The following INVS variants were observed in gnomAD, a reference collection of about 807,000 sequenced individuals.
The protein encoded by INVS is inversion of embryo turning homolog.
In INVS, 86 loss-of-function variants were observed where a neutral mutation model predicts 108.8. That is an observed-to-expected ratio of 0.79 (90% CI 0.66 to 0.95). The LOEUF (loss-of-function observed/expected upper bound fraction) is 0.95, where lower values mean the gene tolerates loss of function less well. Ranked by LOEUF, INVS falls within the 40% of genes least tolerant of loss-of-function variation. The probability of loss-of-function intolerance (pLI) is 0.00; values close to 1 mark genes in which losing one functional copy is unlikely to be tolerated. For missense variants in INVS, 1,169 were observed against 1,297.4 expected, an observed-to-expected ratio of 0.90 and a Z score of 1.52; for synonymous variants, 455 against 473.5, an observed-to-expected ratio of 0.96 and a Z score of 0.51.
At chr9:100,151,375 A>T (rs1358609378) in intron 3 of INVS, among the ~76,000 whole-genome samples, 1 of 152,112 alleles carries the variant, frequency 6.6e-6, no homozygotes, top group East Asian at 1.9e-4. Context: ...GCCACTCAGG[A>T]GGCTGAGATG....
chr9:100,302,054 T>TTATCA lies in INVS; in HGVS notation c.*1380_*1381insTATCA. The TTATCA allele has an allele frequency of 1.9e-6, 1 of 529,960 alleles. No homozygotes were observed. Among genetic ancestry groups the TTATCA allele is most frequent in the Non-Finnish European group, 3.3e-6 (1 of 305,290 alleles). The allele number at this position is 529,960 out of a possible 1,614,324, so 32.8% of individuals were successfully genotyped here. A position where few individuals can be genotyped will look rare whatever the true frequency, so the allele number is the denominator to read the frequency against. On this transcript the variant is annotated 3_prime_UTR_variant, in exon 17 of 17. Transcript: ENST00000262457. The stretch of plus-strand genomic sequence containing the variant: ...GGAACGCCCAAACATTATTTTCATA[T>TTATCA]ATCAGTGCAAAGAAAGAAGGTTCGT...
intron 12 of INVS, among the ~76,000 whole-genome samples, chr9:100,273,613 C>T (rs1269148173): frequency 6.9e-6 from 1 of 145,766 alleles, no homozygotes; most frequent in Non-Finnish European, 1.5e-5. Flanking sequence ...CCTCGGCTCA[C>T]TGCAACCTCC....
intron 1 of INVS, among the ~76,000 whole-genome samples, chr9:100,100,945 TACA>T (rs1209747896): frequency 1.3e-4 from 5 of 38,404 alleles, no homozygotes; most frequent in Admixed American, 1.1e-3. Flanking sequence ...ATAATATATA[TACA>T]TATATATTAT....
chr9:100,207,177 A>AC (rs34422769), intron 3 of INVS, among the ~76,000 whole-genome samples: 29,363 of 151,940 alleles, frequency 0.19, 4,481 homozygotes, highest in African/African-American at 0.43. Context: ...ATATCCTGGA[A>AC]CCGTCCAACC....
At chr9:100,215,559 C>T (rs1176617855) in intron 3 of INVS, 1 of 152,338 alleles carries the variant, frequency 6.6e-6, no homozygotes, top group East Asian at 1.9e-4. Context: ...CTCAACAATT[C>T]CAGATACCTG....
intron 3 of INVS, among the ~76,000 whole-genome samples, chr9:100,142,578 A>C (rs576012723): frequency 1.3e-5 from 2 of 152,300 alleles, no homozygotes; most frequent in African/African-American, 4.8e-5. Context: ...GCCGGGTTGA[A>C]GTCCGTGCCA....
intron 2 of INVS, among the ~76,000 whole-genome samples, chr9:100,112,332 T>C (rs569312917): frequency 6.6e-6 from 1 of 152,304 alleles, no homozygotes; most frequent in East Asian, 1.9e-4. Context: ...GCACAAAATA[T>C]TGGATTGTGG....
intron 3 of INVS, among the ~76,000 whole-genome samples, chr9:100,173,175 C>A (rs1354253616): frequency 3.3e-5 from 5 of 152,064 alleles, no homozygotes; most frequent in African/African-American, 1.2e-4. Flanking sequence ...GATCAGCCCT[C>A]CAGTAGATAA....
At chr9:100,143,300 A>C (rs1186654550) in intron 3 of INVS, among the ~76,000 whole-genome samples, 1 of 152,150 alleles carries the variant, frequency 6.6e-6, no homozygotes. Flanking sequence ...TCCTGAACTA[A>C]CCTGTAAGCC....
At chr9:100,252,546 G>T in intron 9 of INVS, 108 bp downstream of exon 9, 1 of 1,014,874 alleles carries the variant, frequency 9.9e-7, no homozygotes, top group Non-Finnish European at 1.5e-6. Context: ...CAAGTACAAG[G>T]ATGAAGGGAT....
intron 13 of INVS, among the ~76,000 whole-genome samples, chr9:100,290,714 A>G (rs1833585821): frequency 6.6e-6 from 1 of 151,070 alleles, no homozygotes; most frequent in African/African-American, 2.4e-5. Context: ...ACTTAAGAGT[A>G]TTTTATTTTA....
chr9:100,180,068 A>G (rs964983758), intron 3 of INVS, among the ~76,000 whole-genome samples: 1 of 152,218 alleles, frequency 6.6e-6, no homozygotes, highest in Admixed American at 6.5e-5. Context: ...TAAGGTAGAA[A>G]TAAATAAGTT....
intron 2 of INVS, 107 bp downstream of exon 2, chr9:100,104,734 A>G (rs1242089127): frequency 1.3e-6 from 1 of 756,924 alleles, no homozygotes; most frequent in Non-Finnish European, 2.3e-6. Flanking sequence ...TTTAATGGAA[A>G]TATGTTATTA....
intron 3 of INVS, among the ~76,000 whole-genome samples, chr9:100,154,985 G>T (rs980566002): frequency 5.3e-5 from 8 of 152,132 alleles, no homozygotes; most frequent in Non-Finnish European, 1.2e-4. Flanking sequence ...GGTCAAGGTG[G>T]GCGGATCACT....
chr9:100,140,350 G>A (rs1828384863), intron 3 of INVS, among the ~76,000 whole-genome samples: 1 of 152,090 alleles, frequency 6.6e-6, no homozygotes, highest in African/African-American at 2.4e-5. Flanking sequence ...CAGTCAAAGG[G>A]GGGTTGTTCT....
At chr9:100,149,219 A>G (rs1828731582) in intron 3 of INVS, among the ~76,000 whole-genome samples, 1 of 152,216 alleles carries the variant, frequency 6.6e-6, no homozygotes, top group Non-Finnish European at 1.5e-5. Context: ...GCGAATGGGT[A>G]TCTGAAGAGT....
chr9:100,257,861 T>TA (rs1404635188), intron 10 of INVS, among the ~76,000 whole-genome samples: 3 of 152,186 alleles, frequency 2.0e-5, no homozygotes. Flanking sequence ...CATTTCAACT[T>TA]TGGTGAATCT....
intron 3 of INVS, among the ~76,000 whole-genome samples, chr9:100,186,402 C>T (rs1171854145): frequency 6.6e-6 from 1 of 152,036 alleles, no homozygotes; most frequent in African/African-American, 2.4e-5. Flanking sequence ...CCACCCACCT[C>T]AGCCTCCCAA....
At chr9:100,187,894 T>G (rs1830100816) in intron 3 of INVS, among the ~76,000 whole-genome samples, 1 of 152,216 alleles carries the variant, frequency 6.6e-6, no homozygotes, top group African/African-American at 2.4e-5. Flanking sequence ...TTAAGTATAT[T>G]CCCAGTTTTT....
Sources: allele counts gnomAD v4.1 joint callset (sites outside exome capture counted in the v4.1 genomes callset), GRCh38; gene constraint gnomAD v4.1.1; transcripts MANE v1.5; gene names NCBI Gene and HGNC (gene_info 2026-07-23, HGNC 2026-07-21).